Variants in PC observed in about 807,000 individuals in gnomAD.
PC encodes pyruvate carboxylase, mitochondrial.
Under a neutral mutation model 107.8 loss-of-function variants are expected in PC, and 46 were observed. That is an observed-to-expected ratio of 0.43 (90% CI 0.34 to 0.55). The LOEUF (loss-of-function observed/expected upper bound fraction) is 0.55, where lower values mean the gene tolerates loss of function less well. Ranked by LOEUF, PC falls within the 20% of genes least tolerant of loss-of-function variation. The probability of loss-of-function intolerance (pLI) is 0.04; values close to 1 mark genes in which losing one functional copy is unlikely to be tolerated. For synonymous variants in PC, 662 were observed against 684.7 expected (o/e 0.97, Z 0.52); for missense variants, 1,241 against 1,643.1 (o/e 0.76, Z 4.23).
rs749213323 is a variant in PC at position 66,858,969 on chromosome 11, G to A, written c.1368+4805C>T. On this transcript the variant is annotated intron_variant, in intron 12 of 22. Coordinates refer to ENST00000393960, the MANE Select transcript of PC (RefSeq NM_001040716.2). This position sits in a 1 kb window ranked among gnomAD's most constrained non-coding sequence, Gnocchi z 5.9. ...GGGGACGCTGGAGTCTGAGCCAGCC[G>A]TGCAGGTGACGGAGGTGACCGCCAC... 13 of 1,573,152 alleles carry A rather than the reference G, an allele frequency of 8.3e-6. No individual in the cohort carries two copies. The highest frequency in any genetic ancestry group is 3.5e-5 in the South Asian group (3 of 86,466).
Position 66,871,430 on chromosome 11 carries a change from T to G in PC, c.372A>C (p.Arg124=). 6.2e-7 allele frequency: 1 copy of G among 1,613,542 alleles called. No homozygotes were observed. Among genetic ancestry groups the G allele is most frequent in the African/African-American group, 1.3e-5 (1 of 75,066 alleles). Residue 124 remains arginine (R), a synonymous_variant, in exon 6 of 23, where the codon CGA becomes CGC. Transcript: ENST00000393960. This position sits in a 1 kb window ranked among gnomAD's most constrained non-coding sequence, Gnocchi z 7.4. ...CCTGGCAGGCCTGGGCGAAGTCCGC[T>G]CGCTCAGAGAGGAACCCGTAGCCAG... The part of the protein sequence containing the change: ...VHPGYGFLSE[R]ADFAQACQDA...
At chr11:66,927,496 T>C (rs1591292845) in intron 3 of PC, among the ~76,000 whole-genome samples, 1 of 150,948 alleles carries the variant, frequency 6.6e-6, no homozygotes. Context: ...CTGAGGTGGG[T>C]GGATTGCCTG....
chr11:66,899,261 C>T (rs533027986), intron 3 of PC, among the ~76,000 whole-genome samples: 3 of 152,248 alleles, frequency 2.0e-5, no homozygotes, highest in Admixed American at 6.5e-5. Context: ...AAGGTTCATC[C>T]GTGTTGTGGT....
Position 66,871,849 on chromosome 11 carries a change from G to A in PC, c.159C>T (p.Phe53=), listed in dbSNP as rs749641310. 5.0e-6 allele frequency: 8 copies of A among 1,608,542 alleles called. No homozygotes were observed. The South Asian group carries it at 6.6e-5, about 13-fold the overall frequency. ...GGATGCCCAGCTCCGTGCAGGCCCG[G>A]AACACACGGATGGCAATCTCACCTA... The part of the protein sequence containing the change: ...ANRGEIAIRV[F]RACTELGIRT... The change falls in exon 5 of 23, where the codon TTC becomes TTT. Residue 53 remains phenylalanine (F), a synonymous_variant. Transcript: ENST00000393960. The surrounding 1 kb of genome is among the most constrained non-coding windows in gnomAD (Gnocchi z 7.4).
In PC at chr11:66,866,441, G is replaced by A. The variant is rs1435018769; in HGVS notation, c.1023-92C>T. On this transcript the variant is annotated intron_variant, in intron 10 of 22. Transcript: ENST00000393960. This position sits in a 1 kb window ranked among gnomAD's most constrained non-coding sequence, Gnocchi z 5.4. ...CGAGGGGCACCGCAGCCAGTGGGGC[G>A]TCCACACACAGTGCGACTCCTGCCC... 8.5e-6 allele frequency: 8 copies of A among 938,602 alleles called. No homozygotes were observed. Among genetic ancestry groups the A allele is most frequent in the African/African-American group, 3.2e-5 (2 of 61,926 alleles). The allele number at this position is 938,602 out of a possible 1,614,324, so 58.1% of individuals were successfully genotyped here.
chr11:66,868,785 C>T, intron 10 of PC, 61 bp downstream of exon 10: 1 of 1,374,134 alleles, frequency 7.3e-7, no homozygotes, highest in Non-Finnish European at 1.0e-6. Context: ...GCCACTTCGC[C>T]TGTACTTTAT....
intron 3 of PC, among the ~76,000 whole-genome samples, chr11:66,885,497 A>AG (rs1451545920): frequency 3.3e-5 from 5 of 152,080 alleles, no homozygotes; most frequent in Non-Finnish European, 7.4e-5. Context: ...TAAAAAAAAA[A>AG]AAAAAAAAAA....
At chr11:66,886,882 C>T (rs1469834754) in intron 3 of PC, among the ~76,000 whole-genome samples, 1 of 152,192 alleles carries the variant, frequency 6.6e-6, no homozygotes, top group Non-Finnish European at 1.5e-5. Flanking sequence ...GGCAGGAAGG[C>T]ACGCTGCTAG....
intron 10 of PC, among the ~76,000 whole-genome samples, chr11:66,868,195 A>G (rs1308703051): frequency 6.6e-6 from 1 of 152,250 alleles, no homozygotes; most frequent in African/African-American, 2.4e-5. Context: ...AGCTGAAGCC[A>G]AACATTCAGG....
At chr11:66,934,444 A>T (rs565885271) in intron 3 of PC, 2 of 154,236 alleles carry the variant, frequency 1.3e-5, no homozygotes, top group East Asian at 3.9e-4. Context: ...TTCCTCATCT[A>T]TAAAATGGGG....
At chr11:66,928,783 C>T (rs959347215) in intron 3 of PC, among the ~76,000 whole-genome samples, 1 of 152,062 alleles carries the variant, frequency 6.6e-6, no homozygotes, top group Admixed American at 6.6e-5. Flanking sequence ...CCTCCGACTC[C>T]CAAAGTGCTG....
chr11:66,871,236 C>A lies in PC; in HGVS notation c.488-39G>T. Reference sequence around the variant, plus strand: ...GGTGTGGGGGAGTCTCTGTAACAGGCGGGAATCCCTGCCACCCCTCCCTGC... The same window carrying A: ...GGTGTGGGGGAGTCTCTGTAACAGGAGGGAATCCCTGCCACCCCTCCCTGC... On this transcript the variant is annotated intron_variant, in intron 6 of 22. Coordinates refer to ENST00000393960, the MANE Select transcript of PC (RefSeq NM_001040716.2). This position sits in a 1 kb window ranked among gnomAD's most constrained non-coding sequence, Gnocchi z 7.4. 1.2e-6 allele frequency: 2 copies of A among 1,613,180 alleles called. No homozygotes were observed. The highest frequency in any genetic ancestry group is 1.7e-6 in the Non-Finnish European group (2 of 1,179,474).
chr11:66,946,092 C>CAAA (rs757767116), intron 3 of PC, among the ~76,000 whole-genome samples: 38 of 65,930 alleles, frequency 5.8e-4, no homozygotes, highest in East Asian at 1.5e-3. Flanking sequence ...GACTCCGTCT[C>CAAA]AAAAAAAAAA....
chr11:66,908,922 C>G (rs1227369061), intron 3 of PC, among the ~76,000 whole-genome samples: 2 of 152,182 alleles, frequency 1.3e-5, no homozygotes, highest in Admixed American at 1.3e-4. Flanking sequence ...TCTTCTCTAT[C>G]TTTTCCCAAG....
At chr11:66,937,780 G>GTTTTT (rs113916680) in intron 3 of PC, among the ~76,000 whole-genome samples, 1 of 137,246 alleles carries the variant, frequency 7.3e-6, no homozygotes. Context: ...GGTTTTTTTT[G>GTTTTT]TTTTTTTTTT....
chr11:66,916,887 G>C (rs1948475220), intron 3 of PC, among the ~76,000 whole-genome samples: 1 of 151,946 alleles, frequency 6.6e-6, no homozygotes, highest in Admixed American at 6.6e-5. Flanking sequence ...CCGGGAGGCA[G>C]AGTTTGTAGT....
chr11:66,870,937 G>GCTA lies in PC; in HGVS notation c.634-48_634-46dup, dbSNP rs1946704939. 1 of 1,601,972 alleles carries GCTA rather than the reference G, an allele frequency of 6.2e-7. No individual in the cohort carries two copies. The highest frequency in any genetic ancestry group is 1.3e-5 in the African/African-American group (1 of 74,718). The stretch of plus-strand genomic sequence containing the variant: ...CCAGCCAGACCTCAGACCCCACAGC[G>GCTA]CTACCTCTCCCCTGCCATGAACCCC... On this transcript the variant is annotated intron_variant, in intron 7 of 22. Transcript: ENST00000393960. The surrounding 1 kb of genome is among the most constrained non-coding windows in gnomAD (Gnocchi z 6.1).
chr11:66,873,512 AT>A, intron 3 of PC, among the ~76,000 whole-genome samples: 1 of 1,904 alleles, frequency 5.3e-4, no homozygotes, highest in Non-Finnish European at 2.2e-3. Flanking sequence ...AATATTATAT[AT>A]TATATTATAT....
rs1026314042 is a variant in PC at position 66,871,293 on chromosome 11, C to G, written c.487+22G>C. 20 of 1,613,958 alleles carry G rather than the reference C, an allele frequency of 1.2e-5. No individual in the cohort carries two copies. The highest frequency in any genetic ancestry group is 1.6e-5 in the Non-Finnish European group (19 of 1,180,034). The stretch of plus-strand genomic sequence containing the variant: ...CTCTCCAGGAGCTGCGGGGCCACCC[C>G]TTGCTTGCCCGTTATATTCACCCGC... On this transcript the variant is annotated intron_variant, in intron 6 of 22. Coordinates refer to ENST00000393960, the MANE Select transcript of PC (RefSeq NM_001040716.2). This position sits in a 1 kb window ranked among gnomAD's most constrained non-coding sequence, Gnocchi z 7.4.
Sources: allele counts gnomAD v4.1 joint callset (sites outside exome capture counted in the v4.1 genomes callset), GRCh38; gene constraint gnomAD v4.1.1; non-coding constraint Gnocchi (gnomAD v3.1); transcripts MANE v1.5; gene names NCBI Gene and HGNC (gene_info 2026-07-23, HGNC 2026-07-21).